The following DNAH9 variants were observed in gnomAD, a reference collection of about 807,000 sequenced individuals.
DNAH9 encodes DNAH9 variant protein.
Under a neutral mutation model 471.6 loss-of-function variants are expected in DNAH9, and 345 were observed. The ratio of observed to expected loss-of-function variants is 0.73; its 90% CI spans 0.67 to 0.80. DNAH9 has a LOEUF of 0.80. Among genes scored for constraint, DNAH9 ranks in the 30% least tolerant of loss-of-function variants. The pLI, the probability that DNAH9 is intolerant of heterozygous loss-of-function variation, is 0.00. For missense variants in DNAH9, 5,407 were observed against 5,609.2 expected, an observed-to-expected ratio of 0.96 and a Z score of 1.15; for synonymous variants, 2,093 against 2,123.6, an observed-to-expected ratio of 0.99 and a Z score of 0.40.
chr17:11,659,346 T>C (rs1264477008), intron 14 of DNAH9, among the ~76,000 whole-genome samples: 1 of 152,172 alleles, frequency 6.6e-6, no homozygotes, highest in Non-Finnish European at 1.5e-5. Context: ...TCTGACATAA[T>C]GTAAAAGAGT....
chr17:11,860,438 G>T (rs1394068585), intron 50 of DNAH9, among the ~76,000 whole-genome samples: 1 of 152,162 alleles, frequency 6.6e-6, no homozygotes, highest in Admixed American at 6.5e-5. Flanking sequence ...TTATTGTCTA[G>T]AAATGTCTTC....
intron 52 of DNAH9, 24 bp downstream of exon 52, chr17:11,871,810 C>T (rs374591659): frequency 1.4e-4 from 229 of 1,610,006 alleles, no homozygotes; most frequent in Admixed American, 2.3e-4. Context: ...GAATTTCTCC[C>T]GACCACATCA....
intron 52 of DNAH9, among the ~76,000 whole-genome samples, chr17:11,873,764 G>A (rs1479790861): frequency 6.9e-6 from 1 of 145,108 alleles, no homozygotes; most frequent in African/African-American, 2.6e-5. Flanking sequence ...TGCGGGGGCT[G>A]TTGAATGAGT....
chr17:11,674,717 C>A (rs1020143134), intron 17 of DNAH9, among the ~76,000 whole-genome samples: 5 of 151,454 alleles, frequency 3.3e-5, no homozygotes, highest in African/African-American at 1.2e-4. Context: ...CAACTTTTCC[C>A]TTATGTTGTT....
chr17:11,928,937 A>G (rs1296088405), intron 62 of DNAH9, among the ~76,000 whole-genome samples: 1 of 151,312 alleles, frequency 6.6e-6, no homozygotes, highest in Non-Finnish European at 1.5e-5. Flanking sequence ...TTGATCCATG[A>G]GCTCCAATTT....
At chr17:11,879,959 A>T in intron 53 of DNAH9, 119 bp from the exon 54 acceptor site, 1 of 1,233,832 alleles carries the variant, frequency 8.1e-7, no homozygotes, top group Non-Finnish European at 1.1e-6. Context: ...AAACATTCCA[A>T]ATAGCTGTGC....
At chr17:11,824,064 G>T (rs552454598) in intron 48 of DNAH9, among the ~76,000 whole-genome samples, 2 of 152,086 alleles carry the variant, frequency 1.3e-5, no homozygotes, top group African/African-American at 4.8e-5. Flanking sequence ...TGGGAGTTGG[G>T]GCCAACTCTT....
intron 43 of DNAH9, 87 bp downstream of exon 43, chr17:11,797,880 GTA>G: frequency 7.4e-7 from 1 of 1,348,586 alleles, no homozygotes; most frequent in Non-Finnish European, 1.0e-6. Context: ...GGTCACTTCC[GTA>G]AAGCCAGGTA....
intron 4 of DNAH9, among the ~76,000 whole-genome samples, chr17:11,614,151 T>C (rs2072693843): frequency 6.6e-6 from 1 of 152,178 alleles, no homozygotes; most frequent in African/African-American, 2.4e-5. Context: ...TCAGAAAATT[T>C]GGCAGGATCT....
At chr17:11,612,152 C>T (rs530557507) in intron 4 of DNAH9, 26 of 514,962 alleles carry the variant, frequency 5.0e-5, no homozygotes, top group Non-Finnish European at 7.3e-5. Context: ...GTCTTTCAAA[C>T]ACTGGGGCCA....
chr17:11,663,100 G>A (rs1378424961), intron 14 of DNAH9, among the ~76,000 whole-genome samples: 1 of 152,114 alleles, frequency 6.6e-6, no homozygotes, highest in Non-Finnish European at 1.5e-5. Flanking sequence ...CTCTGGAATC[G>A]AGCAGCTCTA....
At chr17:11,959,373 GTTAT>G (rs1426292439) in intron 67 of DNAH9, among the ~76,000 whole-genome samples, 1 of 151,910 alleles carries the variant, frequency 6.6e-6, no homozygotes, top group East Asian at 1.9e-4. Flanking sequence ...TATACTTAAT[GTTAT>G]TTTATTAAAT....
At chr17:11,805,416 T>A (rs78382742) in intron 43 of DNAH9, among the ~76,000 whole-genome samples, 38 of 151,984 alleles carry the variant, frequency 2.5e-4, no homozygotes, top group Non-Finnish European at 5.0e-4. Flanking sequence ...GAATATGGCA[T>A]TTCTAATTAT....
At chr17:11,816,143 T>C (rs1970087920) in intron 45 of DNAH9, among the ~76,000 whole-genome samples, 1 of 152,192 alleles carries the variant, frequency 6.6e-6, no homozygotes, top group African/African-American at 2.4e-5. Flanking sequence ...CAGCACTCGA[T>C]AGCTGCACGT....
chr17:11,653,122 T>A, intron 14 of DNAH9, 120 bp downstream of exon 14: 1 of 1,100,380 alleles, frequency 9.1e-7, no homozygotes, highest in East Asian at 2.4e-5. Flanking sequence ...AAGACAAGGA[T>A]AGAAGTTTAG....
At chr17:11,603,072 A>C (rs1008198531) in intron 1 of DNAH9, among the ~76,000 whole-genome samples, 1 of 152,160 alleles carries the variant, frequency 6.6e-6, no homozygotes, top group Non-Finnish European at 1.5e-5. Context: ...TGTCATACTC[A>C]GTTGGTGCAA....
intron 65 of DNAH9, among the ~76,000 whole-genome samples, chr17:11,935,479 G>A (rs1054457620): frequency 2.7e-5 from 4 of 150,494 alleles, no homozygotes; most frequent in Admixed American, 1.3e-4. Context: ...TGGTTCAAGT[G>A]ATTCTCCTGC....
At chr17:11,642,584 TATTG>T (rs2073297610) in intron 10 of DNAH9, among the ~76,000 whole-genome samples, 1 of 152,062 alleles carries the variant, frequency 6.6e-6, no homozygotes, top group African/African-American at 2.4e-5. Flanking sequence ...CTATAATAGG[TATTG>T]ATTGGTTATT....
intron 61 of DNAH9, among the ~76,000 whole-genome samples, chr17:11,922,714 A>C (rs1353404707): frequency 6.6e-6 from 1 of 152,190 alleles, no homozygotes; most frequent in Non-Finnish European, 1.5e-5. Context: ...TGATGAGATA[A>C]CTCTTTTCTA....
Sources: allele counts gnomAD v4.1 joint callset (sites outside exome capture counted in the v4.1 genomes callset), GRCh38; gene constraint gnomAD v4.1.1; transcripts MANE v1.5; gene names NCBI Gene and HGNC (gene_info 2026-07-23, HGNC 2026-07-21).